The following KCNMB2 variants were observed in gnomAD, a reference collection of about 807,000 sequenced individuals.
KCNMB2 encodes potassium calcium-activated channel subfamily M regulatory beta subunit 2.
KCNMB2 carries 9 observed loss-of-function variants against 24.5 expected under a neutral mutation model. The ratio of observed to expected loss-of-function variants is 0.37; its 90% CI spans 0.22 to 0.64. KCNMB2 has a LOEUF of 0.64. Among genes scored for constraint, KCNMB2 ranks in the 30% least tolerant of loss-of-function variants. The probability of loss-of-function intolerance (pLI) is 0.63; values close to 1 mark genes in which losing one functional copy is unlikely to be tolerated. For synonymous variants in KCNMB2, 109 were observed against 104.4 expected (o/e 1.04, Z -0.27); for missense variants, 226 against 284.3 (o/e 0.79, Z 1.47).
chr3:178,841,038 T>A (rs1219308762), intron 4 of KCNMB2, among the ~76,000 whole-genome samples: 1 of 152,242 alleles, frequency 6.6e-6, no homozygotes, highest in Non-Finnish European at 1.5e-5. Flanking sequence ...TGCATGTAAC[T>A]GCACATTTCA....
intron 1 of KCNMB2, among the ~76,000 whole-genome samples, chr3:178,626,884 T>TTA (rs1240979630): frequency 1.4e-5 from 2 of 147,794 alleles, no homozygotes; most frequent in Admixed American, 6.8e-5. Flanking sequence ...TATATGTAAC[T>TTA]TATATATATA....
intron 1 of KCNMB2, among the ~76,000 whole-genome samples, chr3:178,732,625 CAT>C (rs1398869150): frequency 1.3e-5 from 2 of 152,148 alleles, no homozygotes; most frequent in Non-Finnish European, 2.9e-5. Context: ...GGAGAAAACA[CAT>C]GTGTTAAATA....
chr3:178,710,952 G>A lies in KCNMB2; in HGVS notation c.-67-96391G>A, dbSNP rs561831356. On this transcript the variant is annotated intron_variant, in intron 1 of 4. Coordinates refer to ENST00000452583, the MANE Select transcript of KCNMB2 (RefSeq NM_181361.3). Reference sequence around the variant, plus strand: ...ACTATACGGAAGGAGCTGGAGACACGGGGCTGAATTGAATGGACATGGGTT... The same window carrying A: ...ACTATACGGAAGGAGCTGGAGACACAGGGCTGAATTGAATGGACATGGGTT... Among the ~76,000 whole-genome samples, 111 of 152,094 alleles carry A rather than the reference G, an allele frequency of 7.3e-4. 3 individuals carry two copies. The highest frequency in any genetic ancestry group is 3.4e-4 in the African/African-American group (14 of 41,416).
intron 1 of KCNMB2, among the ~76,000 whole-genome samples, chr3:178,725,988 T>C (rs1722955488): frequency 6.6e-6 from 1 of 151,930 alleles, no homozygotes; most frequent in African/African-American, 2.4e-5. Flanking sequence ...GTTTTCTCTA[T>C]TTTTCATTCC....
chr3:178,652,095 T>A (rs111266649), intron 1 of KCNMB2, among the ~76,000 whole-genome samples: 5 of 134,878 alleles, frequency 3.7e-5, no homozygotes, highest in African/African-American at 1.5e-4. Flanking sequence ...CTAAAGAACT[T>A]CTGCACAGCA....
At chr3:178,834,288 C>T (rs1715147080) in intron 4 of KCNMB2, among the ~76,000 whole-genome samples, 3 of 152,116 alleles carry the variant, frequency 2.0e-5, no homozygotes, top group African/African-American at 7.2e-5. Flanking sequence ...AAATAATTTT[C>T]CCAGAGTTAC....
At chr3:178,616,192 G>A (rs192124261) in intron 1 of KCNMB2, among the ~76,000 whole-genome samples, 7 of 152,254 alleles carry the variant, frequency 4.6e-5, no homozygotes, top group East Asian at 3.9e-4. Context: ...TTAGTAAGTC[G>A]GGTGCCCCCA....
At chr3:178,729,069 T>C (rs1311550683) in intron 1 of KCNMB2, among the ~76,000 whole-genome samples, 1 of 152,118 alleles carries the variant, frequency 6.6e-6, no homozygotes, top group African/African-American at 2.4e-5. Context: ...ACCCGTGTGA[T>C]ACCAGGTTAG....
chr3:178,539,525 C>T (rs977019594), intron 1 of KCNMB2, among the ~76,000 whole-genome samples: 2 of 152,226 alleles, frequency 1.3e-5, no homozygotes, highest in East Asian at 3.9e-4. Context: ...GATCCTGCTG[C>T]ATATCATGTA....
intron 1 of KCNMB2, among the ~76,000 whole-genome samples, chr3:178,631,445 A>G (rs989055148): frequency 6.6e-6 from 1 of 152,190 alleles, no homozygotes; most frequent in African/African-American, 2.4e-5. Context: ...TTACCCCACA[A>G]TCCAAGAACT....
intron 1 of KCNMB2, among the ~76,000 whole-genome samples, chr3:178,644,929 A>G (rs1299056771): frequency 6.6e-6 from 1 of 152,160 alleles, no homozygotes; most frequent in South Asian, 2.1e-4. Flanking sequence ...TTAAATGAAG[A>G]CATGTATATG....
chr3:178,726,973 C>A (rs1022475900), intron 1 of KCNMB2, among the ~76,000 whole-genome samples: 3 of 148,178 alleles, frequency 2.0e-5, no homozygotes, highest in Non-Finnish European at 4.6e-5. Context: ...ACTACCCTGG[C>A]TAGAGATCTA....
At chr3:178,601,517 A>G (rs1380213707) in intron 1 of KCNMB2, among the ~76,000 whole-genome samples, 1 of 152,180 alleles carries the variant, frequency 6.6e-6, no homozygotes, top group Non-Finnish European at 1.5e-5. Context: ...AGGTCAGTGA[A>G]TATCCCTGTC....
At chr3:178,697,013 T>G (rs573076390) in intron 1 of KCNMB2, among the ~76,000 whole-genome samples, 3 of 152,204 alleles carry the variant, frequency 2.0e-5, no homozygotes, top group Non-Finnish European at 2.9e-5. Flanking sequence ...CTGAGGAGTA[T>G]TTCACTTCTG....
At chr3:178,800,159 G>C (rs888842130) in intron 1 of KCNMB2, among the ~76,000 whole-genome samples, 3 of 151,924 alleles carry the variant, frequency 2.0e-5, no homozygotes, top group African/African-American at 7.2e-5. Flanking sequence ...CAGGAAAACA[G>C]AGCAAAAATC....
chr3:178,814,271 GTTAA>G (rs1381407130), intron 2 of KCNMB2, among the ~76,000 whole-genome samples: 14 of 152,148 alleles, frequency 9.2e-5, no homozygotes, highest in Non-Finnish European at 1.5e-4. Context: ...CGGTTTCTGT[GTTAA>G]TTCACTTAGG....
At chr3:178,734,160 A>C (rs1203535230) in intron 1 of KCNMB2, among the ~76,000 whole-genome samples, 1 of 152,210 alleles carries the variant, frequency 6.6e-6, no homozygotes, top group African/African-American at 2.4e-5. Context: ...GTGTAAGCCC[A>C]AAATTCATGT....
chr3:178,642,667 G>A (rs1719768443), intron 1 of KCNMB2, among the ~76,000 whole-genome samples: 1 of 152,120 alleles, frequency 6.6e-6, no homozygotes, highest in South Asian at 2.1e-4. Flanking sequence ...CAAATTTTTT[G>A]TTAAACTCCA....
intron 1 of KCNMB2, among the ~76,000 whole-genome samples, chr3:178,723,099 T>C (rs970386342): frequency 6.6e-6 from 1 of 152,210 alleles, no homozygotes; most frequent in East Asian, 1.9e-4. Flanking sequence ...CCCTACCACA[T>C]TGTCTTACTA....
Sources: gnomAD v4.1 joint callset for allele counts (sites outside exome capture counted in the v4.1 genomes callset) on GRCh38, gnomAD v4.1.1 for gene constraint, MANE v1.5 for transcripts, NCBI Gene and HGNC (gene_info 2026-07-23, HGNC 2026-07-21) for gene names.